NLRP5: variants seen among roughly 807,000 people sequenced by gnomAD.
NLRP5 encodes NACHT, LRR and PYD domains-containing protein 5.
A neutral mutation model predicts 113.1 loss-of-function variants in NLRP5; 93 were observed. The ratio of observed to expected loss-of-function variants is 0.82; its 90% CI spans 0.70 to 0.98. The LOEUF (loss-of-function observed/expected upper bound fraction) is 0.98, where lower values mean the gene tolerates loss of function less well. Among genes scored for constraint, NLRP5 ranks in the 50% least tolerant of loss-of-function variants. The pLI, the probability that NLRP5 is intolerant of heterozygous loss-of-function variation, is 0.00. For synonymous variants in NLRP5, 751 were observed against 600.7 expected, an observed-to-expected ratio of 1.25 and a Z score of -3.66; for missense variants, 1,808 against 1,514.3, an observed-to-expected ratio of 1.19 and a Z score of -3.22.
intron 4 of NLRP5, among the ~76,000 whole-genome samples, chr19:56,017,038 A>AC (rs1213228758): frequency 2.0e-5 from 3 of 151,778 alleles, no homozygotes; most frequent in African/African-American, 7.3e-5. Flanking sequence ...CAGTCTCTTG[A>AC]CCTCGTGATC....
At chr19:56,014,274 A>G (rs964457996) in intron 3 of NLRP5, among the ~76,000 whole-genome samples, 2 of 152,078 alleles carry the variant, frequency 1.3e-5, no homozygotes, top group African/African-American at 4.8e-5. Context: ...AGATCAGGAT[A>G]TCCAGACCCT....
At position 56,027,779 on chromosome 19, in the gene NLRP5, G is replaced by A. The variant is rs778691799; in HGVS notation, c.1546G>A (p.Val516Ile). The change falls in exon 7 of 15, where the codon GTC (valine) becomes ATC (isoleucine). Residue 516 changes from valine (V) to isoleucine (I), a missense_variant. By Grantham distance (29) the Val-to-Ile change is conservative. Transcript: ENST00000390649. ...TCATCAGCTCACCCCTCGAGGCGTG[G>A]TCCGGCGCTGTCTCAATCTGGAGGA... The A allele has an allele frequency of 6.2e-7, 1 of 1,613,880 alleles. No individual in the cohort carries two copies. The highest frequency in any genetic ancestry group is 8.5e-7 in the Non-Finnish European group (1 of 1,179,900).
intron 3 of NLRP5, among the ~76,000 whole-genome samples, chr19:56,010,742 C>CAGAAAAAAAAAAAAAAAAAAA (rs1982151389): frequency 2.4e-5 from 1 of 41,278 alleles, no homozygotes; most frequent in Non-Finnish European, 4.3e-5. Context: ...AACTCTGTCT[C>CAGAAAAAAAAAAAAAAAAAAA]AAAAAAAAAA....
At chr19:56,043,686 C>T (rs1271117206) in intron 11 of NLRP5, among the ~76,000 whole-genome samples, 1 of 151,018 alleles carries the variant, frequency 6.6e-6, no homozygotes, top group East Asian at 2.0e-4. Context: ...CTGCCTCAGC[C>T]TCTCGAGTAG....
At chr19:56,054,426 C>T (rs942608871) in intron 13 of NLRP5, among the ~76,000 whole-genome samples, 10 of 151,964 alleles carry the variant, frequency 6.6e-5, no homozygotes, top group Non-Finnish European at 1.2e-4. Context: ...GGTGTGGTGG[C>T]GCATGCTTGT....
intron 3 of NLRP5, among the ~76,000 whole-genome samples, chr19:56,014,088 C>G (rs1982314926): frequency 2.0e-5 from 3 of 152,156 alleles, no homozygotes. Flanking sequence ...TGTCTTTTCA[C>G]ATTGCTGATA....
chr19:56,017,742 T>C (rs1434314157), intron 4 of NLRP5, among the ~76,000 whole-genome samples: 1 of 152,214 alleles, frequency 6.6e-6, no homozygotes, highest in Non-Finnish European at 1.5e-5. Context: ...GAGCGTTGGT[T>C]TGATATCTGC....
Position 56,047,265 on chromosome 19 carries a change from T to A in NLRP5, c.2958-3153T>A, listed in dbSNP as rs534734827. 7.3e-4 allele frequency among the ~76,000 whole-genome samples: 111 copies of A among 152,318 alleles called. 1 individual carries two copies. Among genetic ancestry groups the A allele is most frequent in the African/African-American group, 2.6e-3 (107 of 41,578 alleles). Reference sequence around the variant, plus strand: ...TTCTGCTCTGATCTTGGTTATTTCCTTTCTTCTGCTGGGTTTGGGGTTGGT... The same window carrying A: ...TTCTGCTCTGATCTTGGTTATTTCCATTCTTCTGCTGGGTTTGGGGTTGGT... On this transcript the variant is annotated intron_variant, in intron 11 of 14. Coordinates refer to ENST00000390649, the MANE Select transcript of NLRP5 (RefSeq NM_153447.4).
intron 4 of NLRP5, among the ~76,000 whole-genome samples, chr19:56,016,787 T>C (rs115918972): frequency 0.012 from 1,817 of 152,314 alleles, 42 homozygotes; most frequent in African/African-American, 0.042. Context: ...CTGTATGTTT[T>C]AGAGCTGAAT....
Position 56,030,369 on chromosome 19 carries a change from CAAAA to C in NLRP5, c.2276+1869_2276+1872del, listed in dbSNP as rs543153122. Among the ~76,000 whole-genome samples the C allele has an allele frequency of 1.1e-3, 162 of 145,402 alleles. 1 individual carries two copies. In the East Asian group the frequency reaches 0.024, roughly 21 times the overall value. Reference sequence around the variant, plus strand: ...TGGGTGACAGAGTGAGACTCTATCTCAAAAAAAAAAAATTCTCACATGGAAGAGG... The same window carrying C: ...TGGGTGACAGAGTGAGACTCTATCTCAAAAAAAATTCTCACATGGAAGAGG... On this transcript the variant is annotated intron_variant, in intron 7 of 14. Transcript: ENST00000390649.
At chr19:56,037,131 C>G (rs557847166) in intron 9 of NLRP5, among the ~76,000 whole-genome samples, 3 of 152,090 alleles carry the variant, frequency 2.0e-5, no homozygotes, top group Non-Finnish European at 4.4e-5. Context: ...CTAAGCTATT[C>G]GGTTAACAGG....
intron 14 of NLRP5, among the ~76,000 whole-genome samples, chr19:56,060,755 G>A (rs1009857556): frequency 9.2e-5 from 14 of 151,904 alleles, no homozygotes; most frequent in Admixed American, 6.6e-4. Flanking sequence ...TATTCTATAG[G>A]GAACATGCTA....
At chr19:56,044,618 C>A (rs180856694) in intron 11 of NLRP5, among the ~76,000 whole-genome samples, 1 of 152,164 alleles carries the variant, frequency 6.6e-6, no homozygotes, top group East Asian at 1.9e-4. Flanking sequence ...GGTGACTATG[C>A]CTTATAGTTT....
intron 3 of NLRP5, among the ~76,000 whole-genome samples, chr19:56,010,169 C>T (rs1381902087): frequency 1.3e-5 from 2 of 152,018 alleles, no homozygotes; most frequent in East Asian, 1.9e-4. Flanking sequence ...CTTGAGACCA[C>T]TTGGATCACG....
intron 10 of NLRP5, among the ~76,000 whole-genome samples, chr19:56,038,577 C>T (rs80340116): frequency 0.076 from 11,583 of 152,134 alleles, 496 homozygotes; most frequent in Non-Finnish European, 0.096. Context: ...ACATGGGTGG[C>T]GGTCAGGCTC....
rs113195293 is a variant in NLRP5, at chr19:56,057,715, C to T, written c.3300-525C>T. Among the ~76,000 whole-genome samples, 736 of 152,174 alleles carry T rather than the reference C, an allele frequency of 4.8e-3. 7 individuals are homozygous for T. The highest frequency in any genetic ancestry group is 0.017 in the African/African-American group (705 of 41,528). ...TGAGAACCAAGCACAGTAGCCTCAC[C>T]TGGGAACTCGTTAGAAATGCAAATA... On this transcript the variant is annotated intron_variant, in intron 13 of 14. Coordinates refer to ENST00000390649, the MANE Select transcript of NLRP5 (RefSeq NM_153447.4).
intron 3 of NLRP5, among the ~76,000 whole-genome samples, chr19:56,013,316 C>A (rs1382203553): frequency 2.0e-5 from 3 of 152,104 alleles, no homozygotes; most frequent in Non-Finnish European, 4.4e-5. Flanking sequence ...CCTCAGCCTC[C>A]TGAGTAGCTG....
At chr19:55,989,450 C>A in the NLRP5 span, among the ~76,000 whole-genome samples, 4 of 152,064 alleles carry the variant, frequency 2.6e-5, no homozygotes, top group African/African-American at 7.2e-5. Flanking sequence ...ACGGGGTTTC[C>A]CCATGTTGGC....
At position 56,026,880 on chromosome 19, in the gene NLRP5, T is replaced by C. The variant is rs186597258; in HGVS notation, c.680-33T>C. ...TGCGAGCCACTGTGCCTGGTCTGTT[T>C]CCTGATTTTCATTCTACCCTCTCTG... is the stretch of plus-strand genomic sequence containing the variant. On this transcript the variant is annotated intron_variant, in intron 6 of 14. Transcript: ENST00000390649. The C allele has an allele frequency of 1.5e-5, 23 of 1,535,384 alleles. No individual in the cohort carries two copies. In the East Asian group the frequency reaches 3.2e-4, roughly 21 times the overall value.
Sources: allele counts gnomAD v4.1 joint callset (sites outside exome capture counted in the v4.1 genomes callset), GRCh38; gene constraint gnomAD v4.1.1; transcripts MANE v1.5; gene names NCBI Gene and HGNC (gene_info 2026-07-23, HGNC 2026-07-21).